RABEP1: variants seen among roughly 807,000 people sequenced by gnomAD.
The protein encoded by RABEP1 is rabaptin, RAB GTPase binding effector protein 1.
In RABEP1, 51 loss-of-function variants were observed where a neutral mutation model predicts 123.4. That is an observed-to-expected ratio of 0.41 (90% confidence interval 0.33 to 0.52). The LOEUF is 0.52. Ranked by LOEUF, RABEP1 falls within the 20% of genes least tolerant of loss-of-function variation. RABEP1 has a pLI of 0.16. For missense variants in RABEP1, 888 were observed against 996.3 expected, an observed-to-expected ratio of 0.89 and a Z score of 1.46; for synonymous variants, 347 against 355.2, an observed-to-expected ratio of 0.98 and a Z score of 0.26.
chr17:5,289,081 G>GGCTT (rs1479588001), intron 1 of RABEP1, among the ~76,000 whole-genome samples: 1 of 151,878 alleles, frequency 6.6e-6, no homozygotes, highest in East Asian at 1.9e-4. Flanking sequence ...TTGGCTGGCT[G>GGCTT]GCTTGCTTCC....
At chr17:5,287,887 A>G (rs1197306321) in intron 1 of RABEP1, among the ~76,000 whole-genome samples, 1 of 152,002 alleles carries the variant, frequency 6.6e-6, no homozygotes, top group African/African-American at 2.4e-5. Context: ...ACTCCCACCT[A>G]GGTGACAGAG....
chr17:5,310,480 C>T (rs540598702), intron 2 of RABEP1, among the ~76,000 whole-genome samples: 6 of 151,810 alleles, frequency 4.0e-5, no homozygotes, highest in South Asian at 4.2e-4. Flanking sequence ...CCACCATGCC[C>T]GGCTAATTTT....
chr17:5,379,961 C>T (rs189850114), intron 15 of RABEP1, among the ~76,000 whole-genome samples: 22 of 152,262 alleles, frequency 1.4e-4, no homozygotes, highest in African/African-American at 1.9e-4. Context: ...GTTTTTAGTG[C>T]GTGCCATCCA....
In RABEP1 at chr17:5,331,027, CTTTTTTT is replaced by C. The variant is rs1187502263; in HGVS notation, c.164-900_164-894del. ...CGACAATTGAGACCCTATCTCTTAA[CTTTTTTT>C]TTTTTTTTTTTTTTTTTTTTTAAAG... On this transcript the variant is annotated intron_variant, in intron 2 of 17. Transcript: ENST00000537505. Among the ~76,000 whole-genome samples the C allele has an allele frequency of 2.3e-3, 199 of 87,062 alleles. 1 individual carries two copies. Among genetic ancestry groups the C allele is most frequent in the Middle Eastern group, 8.2e-3 (1 of 122 alleles). 57.1% of individuals were successfully genotyped at this position (87,062 alleles called of 152,430 possible). A position where few individuals can be genotyped will look rare whatever the true frequency, so the allele number is the denominator to read the frequency against.
intron 5 of RABEP1, among the ~76,000 whole-genome samples, chr17:5,342,281 G>T (rs1001125858): frequency 2.0e-5 from 3 of 152,044 alleles, no homozygotes; most frequent in Non-Finnish European, 4.4e-5. Flanking sequence ...AATAAAGATG[G>T]GCAGGGTCCT....
At chr17:5,369,394 A>G (rs1321470508) in intron 12 of RABEP1, among the ~76,000 whole-genome samples, 1 of 152,282 alleles carries the variant, frequency 6.6e-6, no homozygotes. Context: ...GGGTGATTCT[A>G]CAAGGCTGAT....
intron 17 of RABEP1, among the ~76,000 whole-genome samples, 154 bp from the exon 18 acceptor site, chr17:5,382,968 G>GAATT (rs999034123): frequency 6.6e-6 from 1 of 152,136 alleles, no homozygotes; most frequent in African/African-American, 2.4e-5. Flanking sequence ...TAGCTTTGGG[G>GAATT]AATTATTTTT....
chr17:5,377,183 T>C lies in RABEP1; in HGVS notation c.2093T>C (p.Val698Ala). ...IINVRTAADH[V>A]EEKLKAEILF... ...AATGTGCGGACAGCAGCAGACCACG[T>C]AGAAGAAAAGCTGAAGGCTGAGATA... Residue 698 changes from valine to alanine, a missense_variant, in exon 14 of 18, where the codon GTA (valine) becomes GCA (alanine). Val to Ala is a moderately conservative substitution (Grantham distance 64). Transcript: ENST00000537505. The C allele has an allele frequency of 6.2e-7, 1 of 1,613,234 alleles. No individual in the cohort carries two copies. The highest frequency in any genetic ancestry group is 8.5e-7 in the Non-Finnish European group (1 of 1,179,828).
intron 2 of RABEP1, among the ~76,000 whole-genome samples, chr17:5,330,629 A>G (rs1044129985): frequency 6.6e-6 from 1 of 152,206 alleles, no homozygotes; most frequent in Non-Finnish European, 1.5e-5. Flanking sequence ...TTTCATGGTC[A>G]GTTTGGCTCA....
chr17:5,379,268 A>G (rs1442341892), intron 15 of RABEP1, among the ~76,000 whole-genome samples: 1 of 152,142 alleles, frequency 6.6e-6, no homozygotes, highest in Non-Finnish European at 1.5e-5. Flanking sequence ...TTTTCTTCAG[A>G]GAATATCATG....
intron 2 of RABEP1, among the ~76,000 whole-genome samples, chr17:5,321,052 G>T (rs1270381102): frequency 1.3e-5 from 2 of 152,218 alleles, no homozygotes; most frequent in African/African-American, 2.4e-5. Context: ...GCTCATGCCT[G>T]TAATCCCAAT....
chr17:5,338,974 TAGTG>T (rs921101422), intron 5 of RABEP1, among the ~76,000 whole-genome samples: 29 of 151,970 alleles, frequency 1.9e-4, no homozygotes, highest in African/African-American at 7.0e-4. Context: ...CTGGGCAACA[TAGTG>T]AGACCCCTGT....
chr17:5,381,916 T>G (rs548920278), intron 17 of RABEP1, among the ~76,000 whole-genome samples: 1 of 152,148 alleles, frequency 6.6e-6, no homozygotes, highest in African/African-American at 2.4e-5. Context: ...CTTTCAAGGC[T>G]CAGCGTAGGT....
chr17:5,338,109 G>T lies in RABEP1; in HGVS notation c.619G>T (p.Asp207Tyr). The T allele has an allele frequency of 6.2e-7, 1 of 1,613,406 alleles. No individual in the cohort carries two copies. The highest frequency in any genetic ancestry group is 1.1e-5 in the South Asian group (1 of 91,022). The change falls in exon 5 of 18, where the codon GAC becomes TAC. Residue 207 changes from aspartate to tyrosine, a missense_variant. Physicochemically the swap from Asp to Tyr is radical, Grantham distance 160. Transcript: ENST00000537505. Reference protein sequence around the residue: ...ALKDKLTEAEDKIKELEASKV... With the variant: ...ALKDKLTEAEYKIKELEASKV... ...GAAGGATAAACTGACAGAGGCTGAA[G>T]ACAAAATTAAAGAGCTGGAGGCCTC...
intron 11 of RABEP1, among the ~76,000 whole-genome samples, chr17:5,367,981 T>C (rs1256031492): frequency 3.4e-5 from 5 of 149,114 alleles, no homozygotes; most frequent in African/African-American, 4.9e-5. Flanking sequence ...GGTCTCGAAC[T>C]CCTGACCTCA....
chr17:5,360,155 A>G (rs1567543054), intron 8 of RABEP1, among the ~76,000 whole-genome samples: 2 of 152,024 alleles, frequency 1.3e-5, no homozygotes, highest in Admixed American at 1.3e-4. Flanking sequence ...GGCTCTATGG[A>G]TTTACTTGTT....
chr17:5,290,334 C>T (rs545812284), intron 1 of RABEP1, among the ~76,000 whole-genome samples: 3 of 152,290 alleles, frequency 2.0e-5, no homozygotes, highest in East Asian at 1.9e-4. Flanking sequence ...GTGATCCACT[C>T]GCCTTGGCCT....
At chr17:5,341,820 A>T (rs1907639570) in intron 5 of RABEP1, among the ~76,000 whole-genome samples, 1 of 152,264 alleles carries the variant, frequency 6.6e-6, no homozygotes, top group South Asian at 2.1e-4. Context: ...ATTGTAGAAG[A>T]ACAGCATTAT....
chr17:5,303,331 T>C (rs896862618), intron 1 of RABEP1, among the ~76,000 whole-genome samples: 45 of 152,266 alleles, frequency 3.0e-4, no homozygotes, highest in Non-Finnish European at 2.9e-4. Context: ...AACCTCTGCC[T>C]CCCAGGTTCG....
Sources: gnomAD v4.1 joint callset for allele counts (sites outside exome capture counted in the v4.1 genomes callset) on GRCh38, gnomAD v4.1.1 for gene constraint, MANE v1.5 for transcripts, NCBI Gene and HGNC (gene_info 2026-07-23, HGNC 2026-07-21) for gene names.